Variants in ZNF143 observed in about 807,000 individuals in gnomAD.
ZNF143 encodes SPH-binding factor.
ZNF143 carries 49 observed loss-of-function variants against 74.1 expected under a neutral mutation model. The observed-to-expected ratio is 0.66, with a 90% CI of 0.53 to 0.84. The LOEUF (loss-of-function observed/expected upper bound fraction) is 0.84. ZNF143 is among the 40% of genes least tolerant of loss of function. The pLI is 0.00. For missense variants in ZNF143, 637 were observed against 793.4 expected (o/e 0.80, Z 2.37); for synonymous variants, 304 against 282.8 (o/e 1.07, Z -0.75).
In ZNF143 at chr11:9,518,644, G is replaced by A. The variant is rs542788848; in HGVS notation, c.1686+2282G>A. Among the ~76,000 whole-genome samples the A allele has an allele frequency of 3.9e-5, 6 of 151,904 alleles. No homozygotes were observed. The South Asian group carries it at 1.2e-3, about 32-fold the overall frequency. ...AGGCAGGAGAATCGCTTGAACCCAG[G>A]AGGCAGAGGTTGCAGTCAGCCGAGA... On this transcript the variant is annotated intron_variant, in intron 14 of 15. Transcript: ENST00000396602.
chr11:9,482,034 G>A (rs1213329683), intron 7 of ZNF143, among the ~76,000 whole-genome samples: 45 of 137,434 alleles, frequency 3.3e-4, no homozygotes, highest in African/African-American at 1.1e-3. Context: ...GCAGTGGCTC[G>A]ATCTTGGCTC....
chr11:9,526,916 C>T (rs887526952), intron 15 of ZNF143, among the ~76,000 whole-genome samples: 39 of 152,338 alleles, frequency 2.6e-4, no homozygotes, highest in African/African-American at 8.7e-4. Flanking sequence ...GCTCCGCCTC[C>T]TGGGTTCATG....
intron 10 of ZNF143, among the ~76,000 whole-genome samples, chr11:9,499,753 T>C (rs1848090925): frequency 6.6e-6 from 1 of 152,136 alleles, no homozygotes. Flanking sequence ...TAGATAAATA[T>C]CTGTATCTGT....
At chr11:9,513,801 G>A (rs139689657) in intron 13 of ZNF143, among the ~76,000 whole-genome samples, 190 of 152,296 alleles carry the variant, frequency 1.2e-3, no homozygotes, top group African/African-American at 3.9e-3. Context: ...AGGCTGAGGC[G>A]GGAGGATCAC....
At chr11:9,473,801 G>T (rs1856724072) in intron 3 of ZNF143, 140 bp from the exon 4 acceptor site, 1 of 1,565,580 alleles carries the variant, frequency 6.4e-7, no homozygotes, top group Non-Finnish European at 8.6e-7. Context: ...TTATTGAATT[G>T]CCTCAGAACA....
At chr11:9,506,520 T>A (rs1202028306) in intron 11 of ZNF143, among the ~76,000 whole-genome samples, 1 of 152,208 alleles carries the variant, frequency 6.6e-6, no homozygotes, top group Non-Finnish European at 1.5e-5. Context: ...TGTATCTCTT[T>A]AAAATAGACT....
intron 14 of ZNF143, among the ~76,000 whole-genome samples, chr11:9,520,283 G>A (rs1008875917): frequency 2.0e-5 from 3 of 148,008 alleles, no homozygotes; most frequent in East Asian, 2.0e-4. Flanking sequence ...TGATCCACCC[G>A]CCTCGGCTTC....
rs575089866 is a variant in ZNF143, at chr11:9,484,673, C to CAATG, written c.645+5128_645+5131dup. ...TCACTCTGTCGCCCAAGCTGAAGTGCAATGGCCTGATCTTGGCTCACTGTA... is the reference window on the plus strand; with the variant it reads ...TCACTCTGTCGCCCAAGCTGAAGTGCAATGAATGGCCTGATCTTGGCTCACTGTA... On this transcript the variant is annotated intron_variant, in intron 7 of 15. Coordinates refer to ENST00000396602, the MANE Select transcript of ZNF143 (RefSeq NM_003442.6). Among the ~76,000 whole-genome samples the CAATG allele has an allele frequency of 3.3e-3, 488 of 147,992 alleles. 16 individuals carry two copies. Among genetic ancestry groups the CAATG allele is most frequent in the African/African-American group, 0.012 (463 of 39,092 alleles).
chr11:9,497,221 A>C (rs1033256912), intron 9 of ZNF143, among the ~76,000 whole-genome samples: 1 of 152,232 alleles, frequency 6.6e-6, no homozygotes, highest in Non-Finnish European at 1.5e-5. Flanking sequence ...GAGCTATGAT[A>C]CTTTTGTACA....
At chr11:9,506,934 C>T (rs1848386078) in intron 11 of ZNF143, among the ~76,000 whole-genome samples, 1 of 152,094 alleles carries the variant, frequency 6.6e-6, no homozygotes, top group Non-Finnish European at 1.5e-5. Context: ...TTTGGTGCCA[C>T]CTAGTGGCAG....
At chr11:9,478,068 C>T (rs1565030361) in intron 5 of ZNF143, among the ~76,000 whole-genome samples, 1 of 152,308 alleles carries the variant, frequency 6.6e-6, no homozygotes, top group East Asian at 1.9e-4. Context: ...CCTCGTGATC[C>T]GCCCGCCTCG....
intron 7 of ZNF143, among the ~76,000 whole-genome samples, chr11:9,490,378 C>T (rs1219995004): frequency 2.0e-5 from 3 of 149,264 alleles, no homozygotes; most frequent in Non-Finnish European, 4.4e-5. Flanking sequence ...CAGCCTCAAC[C>T]TCCTGGGTTC....
At position 9,505,864 on chromosome 11, in the gene ZNF143, G is replaced by A. The variant is rs571414106; in HGVS notation, c.1148-2755G>A. 1.5e-3 allele frequency among the ~76,000 whole-genome samples: 215 copies of A among 139,314 alleles called. 2 individuals carry two copies. The highest frequency in any genetic ancestry group is 0.011 in the South Asian group (48 of 4,308). The allele number at this position is 139,314 out of a possible 152,430, so 91.4% of individuals were successfully genotyped here. A position where few individuals can be genotyped will look rare whatever the true frequency, so the allele number is the denominator to read the frequency against. On this transcript the variant is annotated intron_variant, in intron 11 of 15. Transcript: ENST00000396602. ...ACTGCACTCCAGCCTGGGCGACTGAGTGAGACTCCATATCAAAAAAAAAAA... is the reference window on the plus strand; with the variant it reads ...ACTGCACTCCAGCCTGGGCGACTGAATGAGACTCCATATCAAAAAAAAAAA...
chr11:9,505,835 T>G (rs1231588227), intron 11 of ZNF143, among the ~76,000 whole-genome samples: 3 of 139,324 alleles, frequency 2.2e-5, no homozygotes, highest in Non-Finnish European at 4.5e-5. Flanking sequence ...GTCAAGATCA[T>G]GCCACTGCAC....
At chr11:9,501,399 C>T in intron 11 of ZNF143, 129 bp downstream of exon 11, 1 of 1,116,734 alleles carries the variant, frequency 9.0e-7, no homozygotes, top group Non-Finnish European at 1.3e-6. Context: ...AGAGATTAAG[C>T]AACTTGAAAA....
At chr11:9,476,562 GGGTTTCACCATGTT>G (rs1856903375) in intron 5 of ZNF143, among the ~76,000 whole-genome samples, 1 of 151,144 alleles carries the variant, frequency 6.6e-6, no homozygotes, top group South Asian at 2.1e-4. Context: ...AGTAAAGATG[GGGTTTCACCATGTT>G]GGTCAGGCTG....
intron 5 of ZNF143, 57 bp from the exon 6 acceptor site, chr11:9,478,333 G>A: frequency 1.3e-6 from 2 of 1,554,840 alleles, no homozygotes; most frequent in Non-Finnish European, 1.8e-6. Flanking sequence ...CTTTAAATAT[G>A]TAAATATTTG....
At chr11:9,523,800 C>G (rs1218069533) in intron 14 of ZNF143, among the ~76,000 whole-genome samples, 1 of 151,848 alleles carries the variant, frequency 6.6e-6, no homozygotes, top group African/African-American at 2.4e-5. Context: ...GTAATCCCAG[C>G]GCTTTGGGAG....
chr11:9,509,369 C>T (rs911074304), intron 12 of ZNF143, among the ~76,000 whole-genome samples: 5 of 152,196 alleles, frequency 3.3e-5, no homozygotes, highest in African/African-American at 1.2e-4. Flanking sequence ...TCCCAAATAA[C>T]TCTTCATTGA....
Sources: gnomAD v4.1 joint callset for allele counts (sites outside exome capture counted in the v4.1 genomes callset) on GRCh38, gnomAD v4.1.1 for gene constraint, MANE v1.5 for transcripts, NCBI Gene and HGNC (gene_info 2026-07-23, HGNC 2026-07-21) for gene names.